Variants in GNAS-AS1 observed in about 807,000 individuals in gnomAD.
GNAS-AS1 encodes the protein GNAS antisense RNA 1 (non-protein coding).
chr20:58,846,628 C>T (rs1000232981), intron 2 of GNAS-AS1, among the ~76,000 whole-genome samples: 13 of 152,180 alleles, frequency 8.5e-5, no homozygotes, highest in African/African-American at 2.4e-4. Context: ...CTTGAGGGGT[C>T]CAAGGGGCAC....
chr20:58,841,391 A>C lies in GNAS-AS1; in HGVS notation n.819+546T>G. ...TTGAAATGTGCGGAAAGTAATCTGA[A>C]TGGGAATGGGCGAGAACTCTAGAGA... On this transcript the variant is annotated intron_variant and non_coding_transcript_variant, in intron 4 of 4. Coordinates refer to ENST00000424094, the Ensembl canonical transcript of GNAS-AS1. This position sits in a 1 kb window ranked among gnomAD's most constrained non-coding sequence, Gnocchi z 5.0. 9.9e-7 allele frequency: 1 copy of C among 1,012,414 alleles called. No individual in the cohort carries two copies. The allele number at this position is 1,012,414 out of a possible 1,614,324, so 62.7% of individuals were successfully genotyped here.
chr20:58,819,482 A>G (rs2085470666), intron 4 of GNAS-AS1, among the ~76,000 whole-genome samples: 1 of 152,204 alleles, frequency 6.6e-6, no homozygotes, highest in African/African-American at 2.4e-5. Flanking sequence ...AGAAGCAGTT[A>G]TGGTTTTGAA....
exon 1 of GNAS-AS1, chr20:58,850,890 C>T: frequency 2.5e-6 from 1 of 398,792 alleles, no homozygotes; most frequent in Non-Finnish European, 4.4e-6. Context: ...GGCGTTCCAA[C>T]GCGGCGCCCC....
chr20:58,820,461 T>C (rs866436210), intron 4 of GNAS-AS1, among the ~76,000 whole-genome samples: 37 of 152,208 alleles, frequency 2.4e-4, no homozygotes, highest in Middle Eastern at 3.2e-3. Context: ...GCTCTGACTA[T>C]AGGCTGAGTC....
chr20:58,850,849 G>A (rs1600692552), exon 1 of GNAS-AS1: 1 of 398,674 alleles, frequency 2.5e-6, no homozygotes, highest in East Asian at 3.6e-5. Flanking sequence ...GCCCCCCACC[G>A]GCTTCCAACC....
At chr20:58,825,030 G>A (rs1454680406) in intron 4 of GNAS-AS1, among the ~76,000 whole-genome samples, 4 of 152,212 alleles carry the variant, frequency 2.6e-5, no homozygotes, top group East Asian at 1.9e-4. Flanking sequence ...CAGCTCTACC[G>A]ACTGTCTCTT....
At chr20:58,848,383 C>T (rs1361038239) in intron 2 of GNAS-AS1, among the ~76,000 whole-genome samples, 1 of 152,144 alleles carries the variant, frequency 6.6e-6, no homozygotes, top group Non-Finnish European at 1.5e-5. Context: ...TTTTCAGGCA[C>T]CAGCCTCTCC....
At position 58,840,181 on chromosome 20, in the gene GNAS-AS1, C is replaced by A; in HGVS notation, n.819+1756G>T. Reference sequence around the variant, plus strand: ...ACAACGACCTGTGCCCGCCCATAGGCCGCCGGGCAGCCACCGCGCTCCTCT... The same window carrying A: ...ACAACGACCTGTGCCCGCCCATAGGACGCCGGGCAGCCACCGCGCTCCTCT... On this transcript the variant is annotated intron_variant and non_coding_transcript_variant, in intron 4 of 4. Coordinates refer to ENST00000424094, the Ensembl canonical transcript of GNAS-AS1. This position sits in a 1 kb window ranked among gnomAD's most constrained non-coding sequence, Gnocchi z 6.0. The A allele has an allele frequency of 6.2e-7, 1 of 1,611,450 alleles. No homozygotes were observed. Among genetic ancestry groups the A allele is most frequent in the South Asian group, 1.1e-5 (1 of 91,068 alleles).
intron 4 of GNAS-AS1, among the ~76,000 whole-genome samples, chr20:58,836,984 A>G (rs1029067815): frequency 1.3e-5 from 2 of 152,122 alleles, no homozygotes; most frequent in African/African-American, 4.8e-5. Flanking sequence ...AATGCAGGCA[A>G]TCTCGGTGTA....
At chr20:58,832,933 T>A (rs1185012499) in intron 4 of GNAS-AS1, among the ~76,000 whole-genome samples, 1 of 152,238 alleles carries the variant, frequency 6.6e-6, no homozygotes, top group Non-Finnish European at 1.5e-5. Context: ...GTTAATTAAA[T>A]TCCCGTTGTC....
At chr20:58,839,907 C>T (rs1313244843) in intron 4 of GNAS-AS1, 16 of 607,866 alleles carry the variant, frequency 2.6e-5, no homozygotes, top group East Asian at 1.9e-4. Flanking sequence ...AAGCAAGGCG[C>T]GGAGCTTTAG....
chr20:58,829,024 G>A (rs2085538769), intron 4 of GNAS-AS1, among the ~76,000 whole-genome samples: 1 of 139,890 alleles, frequency 7.1e-6, no homozygotes, highest in Admixed American at 7.2e-5. Context: ...CAGAGCTCCT[G>A]GCCCCACCGC....
At chr20:58,839,208 CTGTT>C (rs1240064258) in intron 4 of GNAS-AS1, 1 of 398,518 alleles carries the variant, frequency 2.5e-6, no homozygotes, top group African/African-American at 2.1e-5. Flanking sequence ...CCAATTCAGA[CTGTT>C]TGAGCACGTA....
At chr20:58,838,972 C>T (rs999852058) in intron 4 of GNAS-AS1, 3 of 397,312 alleles carry the variant, frequency 7.6e-6, no homozygotes, top group African/African-American at 6.2e-5. Flanking sequence ...AAGGGGCCTC[C>T]AGTGAGGATT....
intron 2 of GNAS-AS1, among the ~76,000 whole-genome samples, chr20:58,844,858 C>G (rs921122615): frequency 6.6e-6 from 1 of 151,990 alleles, no homozygotes; most frequent in African/African-American, 2.4e-5. Context: ...AAAAAAAGCA[C>G]CAGCTAGGAA....
intron 4 of GNAS-AS1, among the ~76,000 whole-genome samples, chr20:58,838,306 C>T (rs1362479709): frequency 1.3e-5 from 2 of 152,074 alleles, no homozygotes; most frequent in South Asian, 2.1e-4. Context: ...TTTCTAGGGC[C>T]AAGAAAGAGC....
intron 4 of GNAS-AS1, among the ~76,000 whole-genome samples, chr20:58,832,511 T>C (rs1284148744): frequency 6.6e-6 from 1 of 152,240 alleles, no homozygotes; most frequent in Non-Finnish European, 1.5e-5. Flanking sequence ...AATGCTGAGA[T>C]ACTGTGCAGT....
chr20:58,841,616 G>C lies in GNAS-AS1; in HGVS notation n.819+321C>G. The C allele has an allele frequency of 9.5e-7, 1 of 1,049,520 alleles. No homozygotes were observed. The highest frequency in any genetic ancestry group is 4.6e-5 in the South Asian group (1 of 21,860). The allele number at this position is 1,049,520 out of a possible 1,614,324, so 65.0% of individuals were successfully genotyped here. ...CCTCAAAGAGCGTGCGCACCTGCCC[G>C]CGCGCGCCGGAGCTGACCTCTCCCG... On this transcript the variant is annotated intron_variant and non_coding_transcript_variant, in intron 4 of 4. Transcript: ENST00000424094. The surrounding 1 kb of genome is among the most constrained non-coding windows in gnomAD (Gnocchi z 5.0).
chr20:58,835,726 G>C (rs950477718), intron 4 of GNAS-AS1, among the ~76,000 whole-genome samples: 9 of 152,156 alleles, frequency 5.9e-5, no homozygotes, highest in Non-Finnish European at 1.2e-4. Flanking sequence ...CAATTACTTC[G>C]ATCTCCCCAC....
Sources: gnomAD v4.1 joint callset for allele counts (sites outside exome capture counted in the v4.1 genomes callset) on GRCh38, gnomAD v4.1.1 for gene constraint, Gnocchi (gnomAD v3.1) non-coding constraint, MANE v1.5 for transcripts, NCBI Gene and HGNC (gene_info 2026-07-23, HGNC 2026-07-21) for gene names.